AGBL1: variants seen among roughly 807,000 people sequenced by gnomAD.
The protein encoded by AGBL1 is cytosolic carboxypeptidase 4.
In AGBL1, 130 loss-of-function variants were observed where a neutral mutation model predicts 118.9. That is an observed-to-expected ratio of 1.09 (90% CI 0.95 to 1.26). The LOEUF (loss-of-function observed/expected upper bound fraction) is 1.26. Among genes scored for constraint, AGBL1 ranks in the 50% most tolerant of loss-of-function variants. AGBL1 has a pLI of 0.00. For synonymous variants in AGBL1, 555 were observed against 478.9 expected (o/e 1.16, Z -2.08); for missense variants, 1,584 against 1,298.1 (o/e 1.22, Z -3.38).
intron 23 of AGBL1, among the ~76,000 whole-genome samples, chr15:86,923,421 T>G (rs1488158931): frequency 6.6e-6 from 1 of 152,196 alleles, no homozygotes; most frequent in East Asian, 1.9e-4. Flanking sequence ...TTATCCTGCC[T>G]GTTATCACCT....
At chr15:86,570,961 G>A (rs890147001) in intron 21 of AGBL1, among the ~76,000 whole-genome samples, 4 of 152,270 alleles carry the variant, frequency 2.6e-5, no homozygotes, top group African/African-American at 7.2e-5. Flanking sequence ...CATGCGGGCT[G>A]GCCTGTGAGC....
intron 17 of AGBL1, among the ~76,000 whole-genome samples, chr15:86,372,332 T>G (rs1208216380): frequency 6.6e-6 from 1 of 152,090 alleles, no homozygotes; most frequent in Non-Finnish European, 1.5e-5. Context: ...CTCCTCCCAT[T>G]CATCCTACTC....
At chr15:86,844,627 T>C (rs1229423094) in intron 22 of AGBL1, among the ~76,000 whole-genome samples, 1 of 152,200 alleles carries the variant, frequency 6.6e-6, no homozygotes, top group African/African-American at 2.4e-5. Flanking sequence ...GTCAGATGCA[T>C]AATTTTCAAA....
chr15:86,079,874 C>T lies in AGBL1; in HGVS notation c.-99C>T, dbSNP rs115113125. 1.5e-3 allele frequency: 1,361 copies of T among 885,444 alleles called. 11 individuals carry two copies. In the African/African-American group the frequency reaches 0.021, roughly 14 times the overall value. The allele number at this position is 885,444 out of a possible 1,614,324, so 54.8% of individuals were successfully genotyped here. A position where few individuals can be genotyped will look rare whatever the true frequency, so the allele number is the denominator to read the frequency against. ...TGTGCAGCTGAGGCCTCCGGGCAGT[C>T]GTCTCCTGCGAGGCGGGCAGCGAGG... On this transcript the variant is annotated 5_prime_UTR_variant, in exon 1 of 23. Transcript: ENST00000614907.
intron 17 of AGBL1, among the ~76,000 whole-genome samples, chr15:86,373,671 C>T (rs1351801122): frequency 6.6e-6 from 1 of 151,974 alleles, no homozygotes; most frequent in Non-Finnish European, 1.5e-5. Context: ...GTCAAGAGCC[C>T]CTTGGACAAA....
rs1555451585 is a variant in AGBL1 at position 86,801,310 on chromosome 15, C to CATCTATATCT, written c.3159-105771_3159-105770insATCTATCTAT. Among the ~76,000 whole-genome samples, 822 of 147,314 alleles carry CATCTATATCT rather than the reference C, an allele frequency of 5.6e-3. 9 individuals carry two copies. Among genetic ancestry groups the CATCTATATCT allele is most frequent in the Middle Eastern group, 0.014 (4 of 286 alleles). ...CTTGGCTTATAACTGTTGATGATTA[C>CATCTATATCT]ATCTATCTATCTATCTATCTATCTA... is the stretch of plus-strand genomic sequence containing the variant. On this transcript the variant is annotated intron_variant, in intron 22 of 22. Transcript: ENST00000614907.
At chr15:86,930,188 G>A (rs2080589028) in intron 23 of AGBL1, among the ~76,000 whole-genome samples, 1 of 152,110 alleles carries the variant, frequency 6.6e-6, no homozygotes, top group Non-Finnish European at 1.5e-5. Context: ...TGGGAGTTAG[G>A]AGACCTATAT....
At chr15:86,208,798 G>GT (rs1473237780) in intron 5 of AGBL1, among the ~76,000 whole-genome samples, 2 of 152,088 alleles carry the variant, frequency 1.3e-5, no homozygotes, top group Non-Finnish European at 1.5e-5. Flanking sequence ...TTTTTGAAGG[G>GT]TTTTTTGTGT....
rs147204206 is a variant in AGBL1, at chr15:86,508,794, T to C, written c.2556-14016T>C. On this transcript the variant is annotated intron_variant, in intron 18 of 22. Coordinates refer to ENST00000614907, the MANE Select transcript of AGBL1 (RefSeq NM_001386094.1). ...TACTATCCTCAAATGATTTATAGTCTAAATCTGTAGTTAAGCGAAAATTCA... is the reference window on the plus strand; with the variant it reads ...TACTATCCTCAAATGATTTATAGTCCAAATCTGTAGTTAAGCGAAAATTCA... Among the ~76,000 whole-genome samples, 130 of 152,266 alleles carry C rather than the reference T, an allele frequency of 8.5e-4. 1 individual carries two copies. Among genetic ancestry groups the C allele is most frequent in the African/African-American group, 2.9e-3 (119 of 41,558 alleles).
At chr15:86,827,894 A>G (rs1472163837) in intron 22 of AGBL1, among the ~76,000 whole-genome samples, 1 of 94,518 alleles carries the variant, frequency 1.1e-5, no homozygotes, top group Admixed American at 1.3e-4. Context: ...TGGGTGTGTT[A>G]TTTTTACATA....
At position 86,230,380 on chromosome 15, in the gene AGBL1, T is replaced by C. The variant is rs149379493; in HGVS notation, c.526+5429T>C. On this transcript the variant is annotated intron_variant, in intron 6 of 22. Coordinates refer to ENST00000614907, the MANE Select transcript of AGBL1 (RefSeq NM_001386094.1). ...AGGTCTTTATAAGAATTCTAAGAGT[T>C]CCAAGGAGTCCTCAGAATGGCAATA... is the stretch of plus-strand genomic sequence containing the variant. Among the ~76,000 whole-genome samples the C allele has an allele frequency of 5.9e-5, 9 of 152,348 alleles. No individual in the cohort carries two copies. The East Asian group carries it at 1.7e-3, about 29-fold the overall frequency.
At chr15:86,190,144 C>T (rs1295391019) in intron 5 of AGBL1, among the ~76,000 whole-genome samples, 1 of 152,052 alleles carries the variant, frequency 6.6e-6, no homozygotes, top group Non-Finnish European at 1.5e-5. Flanking sequence ...TATTTATGTT[C>T]TCTTTTTTAA....
intron 22 of AGBL1, among the ~76,000 whole-genome samples, chr15:86,726,517 T>C (rs1486289355): frequency 6.6e-6 from 1 of 152,158 alleles, no homozygotes; most frequent in Non-Finnish European, 1.5e-5. Flanking sequence ...ATAATATGCA[T>C]AGTGTTTGGC....
At chr15:86,986,663 A>G (rs1031779043) in intron 23 of AGBL1, among the ~76,000 whole-genome samples, 6 of 152,190 alleles carry the variant, frequency 3.9e-5, no homozygotes, top group African/African-American at 1.4e-4. Context: ...AACCTTACTA[A>G]TATTGAATGA....
intron 17 of AGBL1, among the ~76,000 whole-genome samples, chr15:86,370,726 G>A (rs575409110): frequency 1.0e-3 from 156 of 152,184 alleles, no homozygotes; most frequent in African/African-American, 3.6e-3. Context: ...CTTTCTTACC[G>A]TAGCATTATC....
intron 17 of AGBL1, among the ~76,000 whole-genome samples, chr15:86,372,129 C>G (rs2080980207): frequency 6.6e-6 from 1 of 152,234 alleles, no homozygotes; most frequent in African/African-American, 2.4e-5. Context: ...AGACCCTTGC[C>G]TTCATCAGCA....
chr15:86,458,503 T>C (rs1041104930), intron 18 of AGBL1, among the ~76,000 whole-genome samples: 3 of 152,174 alleles, frequency 2.0e-5, no homozygotes, highest in African/African-American at 7.2e-5. Flanking sequence ...CGGTAGTCAG[T>C]CTGTTACATT....
chr15:86,814,933 T>C (rs529431138), intron 22 of AGBL1, among the ~76,000 whole-genome samples: 1 of 152,216 alleles, frequency 6.6e-6, no homozygotes, highest in African/African-American at 2.4e-5. Flanking sequence ...GCCTTCTTAG[T>C]AGAAATGTAC....
intron 1 of AGBL1, among the ~76,000 whole-genome samples, chr15:86,105,638 C>G (rs906890366): frequency 1.3e-5 from 2 of 152,214 alleles, no homozygotes; most frequent in Non-Finnish European, 2.9e-5. Flanking sequence ...GGCCTTTACT[C>G]AGCCCTTTTT....
Sources: allele counts gnomAD v4.1 joint callset (sites outside exome capture counted in the v4.1 genomes callset), GRCh38; gene constraint gnomAD v4.1.1; transcripts MANE v1.5; gene names NCBI Gene and HGNC (gene_info 2026-07-23, HGNC 2026-07-21).